The following UGT1A10 variants were observed in gnomAD, a reference collection of about 807,000 sequenced individuals.
UGT1A10 encodes UDP-glucuronosyltransferase 1A10.
A neutral mutation model predicts 45.8 loss-of-function variants in UGT1A10; 49 were observed. That is an observed-to-expected ratio of 1.07 (90% confidence interval 0.85 to 1.36). UGT1A10 has a LOEUF of 1.36. Ranked by LOEUF, UGT1A10 falls within the 40% of genes most tolerant of loss-of-function variation. The pLI is 0.00. For missense variants in UGT1A10, 745 were observed against 668.6 expected (o/e 1.11, Z -1.26); for synonymous variants, 284 against 249.7 (o/e 1.14, Z -1.29).
At chr2:233,648,306 CA>C in intron 1 of UGT1A10, 2 of 544,414 alleles carry the variant, frequency 3.7e-6, no homozygotes, top group South Asian at 1.9e-5. Flanking sequence ...TAATTGTTGC[CA>C]AATATTTCTC....
intron 1 of UGT1A10, among the ~76,000 whole-genome samples, chr2:233,657,349 A>C (rs2073877515): frequency 6.6e-6 from 1 of 152,202 alleles, no homozygotes; most frequent in Non-Finnish European, 1.5e-5. Flanking sequence ...GCTGTATAAG[A>C]ATCATGGTAC....
chr2:233,729,741 G>A (rs746811742), intron 1 of UGT1A10: 25 of 1,613,946 alleles, frequency 1.5e-5, no homozygotes, highest in South Asian at 3.3e-5. Context: ...CAGACCACAT[G>A]ACATTCATGC....
At chr2:233,673,406 AT>A (rs906939250) in intron 1 of UGT1A10, among the ~76,000 whole-genome samples, 1 of 152,096 alleles carries the variant, frequency 6.6e-6, no homozygotes, top group African/African-American at 2.4e-5. Context: ...GGCATTTTGC[AT>A]TTTTTGTCTT....
At position 233,669,032 on chromosome 2, in the gene UGT1A10, G is replaced by C. The variant is rs190216379; in HGVS notation, c.855+31655G>C. 5.9e-5 allele frequency among the ~76,000 whole-genome samples: 9 copies of C among 152,328 alleles called. No homozygotes were observed. In the East Asian group the frequency reaches 1.7e-3, roughly 29 times the overall value. ...ACACAGGGGTTATAGGTTTTTAGGA[G>C]GAAGACCACAAGGTAATGTGTTTTC... On this transcript the variant is annotated intron_variant, in intron 1 of 4. Transcript: ENST00000344644.
chr2:233,695,327 C>T (rs372651727), intron 1 of UGT1A10, among the ~76,000 whole-genome samples: 3 of 151,842 alleles, frequency 2.0e-5, no homozygotes, highest in African/African-American at 4.8e-5. Flanking sequence ...GGTTTCACCA[C>T]GTTGGCCAGG....
At chr2:233,665,426 T>C (rs905080009) in intron 1 of UGT1A10, among the ~76,000 whole-genome samples, 1 of 152,244 alleles carries the variant, frequency 6.6e-6, no homozygotes, top group Non-Finnish European at 1.5e-5. Context: ...ACTTCTCTCA[T>C]TGAACCCTGA....
chr2:233,766,850 T>C (rs1248093383), intron 1 of UGT1A10, among the ~76,000 whole-genome samples, 184 bp from the exon 2 acceptor site: 1 of 152,222 alleles, frequency 6.6e-6, no homozygotes, highest in Non-Finnish European at 1.5e-5. Flanking sequence ...CTTCCTCCTT[T>C]AGAAGGAAGT....
Position 233,637,379 on chromosome 2 carries a change from T to C in UGT1A10, c.855+2T>C, listed in dbSNP as rs753918962. On this transcript the variant is annotated splice_donor_variant, in intron 1 of 4. Coordinates refer to ENST00000344644, the MANE Select transcript of UGT1A10 (RefSeq NM_019075.4). LOFTEE classifies it high-confidence loss of function. The stretch of plus-strand genomic sequence containing the variant: ...CATCAGGGAAAGCCATTGCCTATGG[T>C]AAGTCACCTCTCCTTTAGCACATTA... 3.1e-6 allele frequency: 5 copies of C among 1,611,598 alleles called. No individual in the cohort carries two copies. The highest frequency in any genetic ancestry group is 4.2e-6 in the Non-Finnish European group (5 of 1,178,206).
Position 233,729,755 on chromosome 2 carries a change from G to T in UGT1A10, c.856-37279G>T, listed in dbSNP as rs2077920089. 1 of 1,613,802 alleles carries T rather than the reference G, an allele frequency of 6.2e-7. No homozygotes were observed. The highest frequency in any genetic ancestry group is 8.5e-7 in the Non-Finnish European group (1 of 1,179,862). On this transcript the variant is annotated intron_variant, in intron 1 of 4. Transcript: ENST00000344644. ...TCAGACCACATGACATTCATGCAAA[G>T]GGTCAAGAACATGCTCTACCCTCTG...
At chr2:233,709,996 TA>T (rs2076102757) in intron 1 of UGT1A10, among the ~76,000 whole-genome samples, 5 of 152,236 alleles carry the variant, frequency 3.3e-5, no homozygotes, top group African/African-American at 9.6e-5. Flanking sequence ...AATGGAATCA[TA>T]CAATTATGAA....
At chr2:233,686,369 A>G (rs760760776) in intron 1 of UGT1A10, among the ~76,000 whole-genome samples, 1 of 152,184 alleles carries the variant, frequency 6.6e-6, no homozygotes, top group Non-Finnish European at 1.5e-5. Flanking sequence ...TACTATCAAG[A>G]GAATGAAAAG....
chr2:233,636,450 G>T lies in UGT1A10; in HGVS notation c.-73G>T. ...GCCCTCTATTGGGGTCAGGTTTTGT[G>T]CCTGTACTTCTTCCGCCTACTGTAT... On this transcript the variant is annotated 5_prime_UTR_variant, in exon 1 of 5. Transcript: ENST00000344644. 1.3e-6 allele frequency: 2 copies of T among 1,540,202 alleles called. No individual in the cohort carries two copies. Among genetic ancestry groups the T allele is most frequent in the Non-Finnish European group, 1.7e-6 (2 of 1,143,966 alleles).
chr2:233,639,942 A>G (rs2073406995), intron 1 of UGT1A10, among the ~76,000 whole-genome samples: 2 of 152,220 alleles, frequency 1.3e-5, no homozygotes, highest in South Asian at 4.1e-4. Flanking sequence ...AGTCTCTTTG[A>G]ATTTTTGGTG....
chr2:233,669,954 G>A (rs1206817830), intron 1 of UGT1A10, among the ~76,000 whole-genome samples: 1 of 151,942 alleles, frequency 6.6e-6, no homozygotes, highest in African/African-American at 2.4e-5. Context: ...CAAAGTGCTG[G>A]GACTACAGGT....
chr2:233,756,601 A>G (rs1696268124), intron 1 of UGT1A10, among the ~76,000 whole-genome samples: 1 of 152,212 alleles, frequency 6.6e-6, no homozygotes, highest in Admixed American at 6.5e-5. Context: ...TACTGTATCG[A>G]AACCATTAAG....
At chr2:233,684,059 G>A (rs1039720910) in intron 1 of UGT1A10, among the ~76,000 whole-genome samples, 1 of 152,114 alleles carries the variant, frequency 6.6e-6, no homozygotes, top group African/African-American at 2.4e-5. Flanking sequence ...CCTGGTGTCT[G>A]ATCTAAGTAT....
intron 1 of UGT1A10, among the ~76,000 whole-genome samples, chr2:233,761,308 T>C (rs72551346): frequency 6.6e-6 from 1 of 152,246 alleles, no homozygotes; most frequent in Non-Finnish European, 1.5e-5. Context: ...GAGTCTGTCT[T>C]TGGCATCATC....
chr2:233,705,733 G>A (rs931204159), intron 1 of UGT1A10, among the ~76,000 whole-genome samples: 1 of 152,162 alleles, frequency 6.6e-6, no homozygotes, highest in Admixed American at 6.5e-5. Flanking sequence ...AATACCCTGA[G>A]CAGGTAGGTC....
At chr2:233,642,632 T>C (rs1232722206) in intron 1 of UGT1A10, among the ~76,000 whole-genome samples, 2 of 152,196 alleles carry the variant, frequency 1.3e-5, no homozygotes, top group Non-Finnish European at 2.9e-5. Context: ...TAGTCTTCAT[T>C]GTCTGGGCTT....
Sources: gnomAD v4.1 joint callset for allele counts (sites outside exome capture counted in the v4.1 genomes callset) on GRCh38, gnomAD v4.1.1 for gene constraint, MANE v1.5 for transcripts, NCBI Gene and HGNC (gene_info 2026-07-23, HGNC 2026-07-21) for gene names.